MYO9B: variants seen among roughly 807,000 people sequenced by gnomAD.
The protein encoded by MYO9B is myosin IXB.
A neutral mutation model predicts 229.5 loss-of-function variants in MYO9B; 71 were observed. The ratio of observed to expected loss-of-function variants is 0.31; its 90% CI spans 0.26 to 0.38. The LOEUF is 0.38. Ranked by LOEUF, MYO9B falls within the 10% of genes least tolerant of loss-of-function variation. The pLI, the probability that MYO9B is intolerant of heterozygous loss-of-function variation, is 1.00. For synonymous variants in MYO9B, 1,185 were observed against 1,235.8 expected, an observed-to-expected ratio of 0.96 and a Z score of 0.86; for missense variants, 2,255 against 2,920.5, an observed-to-expected ratio of 0.77 and a Z score of 5.25.
intron 2 of MYO9B, among the ~76,000 whole-genome samples, chr19:17,102,912 A>G (rs1383378970): frequency 1.3e-5 from 2 of 150,956 alleles, no homozygotes; most frequent in Non-Finnish European, 1.5e-5. Context: ...ATCTCAAAAA[A>G]AAAAAAAGAA....
At chr19:17,150,094 C>T (rs2072460416) in intron 3 of MYO9B, among the ~76,000 whole-genome samples, 1 of 152,168 alleles carries the variant, frequency 6.6e-6, no homozygotes, top group African/African-American at 2.4e-5. Context: ...GTGTGTGTCC[C>T]TGTGTGAGCC....
chr19:17,160,245 G>C (rs1053504651), intron 8 of MYO9B, among the ~76,000 whole-genome samples: 4 of 152,098 alleles, frequency 2.6e-5, no homozygotes, highest in African/African-American at 9.7e-5. Flanking sequence ...CATGGGTCCA[G>C]GGCACCACGT....
In MYO9B at chr19:17,195,354, C is replaced by G. The variant is rs562012131; in HGVS notation, c.3927C>G (p.Ala1309=). ...TGGACGCCGAGCGGCTGGCCAGCGC[C>G]GTGGAACTGTGGCGGGGCAAGAAGC... is the stretch of plus-strand genomic sequence containing the variant. The part of the protein sequence containing the change: ...RYLDAERLAS[A]VELWRGKKLV... The change falls in exon 22 of 40, where the codon GCC becomes GCG. Residue 1309 remains alanine, a synonymous_variant. Coordinates refer to ENST00000682292, the MANE Select transcript of MYO9B (RefSeq NM_004145.4). The surrounding 1 kb of genome is among the most constrained non-coding windows in gnomAD (Gnocchi z 4.5). 7 of 1,612,162 alleles carry G rather than the reference C, an allele frequency of 4.3e-6. No homozygotes were observed. In the African/African-American group the frequency reaches 8.0e-5, roughly 18 times the overall value.
At chr19:17,087,267 G>C (rs2057592086) in intron 1 of MYO9B, among the ~76,000 whole-genome samples, 1 of 151,830 alleles carries the variant, frequency 6.6e-6, no homozygotes, top group South Asian at 2.1e-4. Flanking sequence ...AGAATGCGCT[G>C]AAAGAACACA....
At chr19:17,104,699 T>G (rs900328953) in intron 2 of MYO9B, among the ~76,000 whole-genome samples, 1 of 151,814 alleles carries the variant, frequency 6.6e-6, no homozygotes, top group African/African-American at 2.4e-5. Context: ...ATGCTGGGAT[T>G]ATAGGCGTGA....
intron 3 of MYO9B, among the ~76,000 whole-genome samples, chr19:17,146,162 GATGGATGGATGGA>G (rs2072407783): frequency 8.5e-5 from 2 of 23,462 alleles, no homozygotes; most frequent in Non-Finnish European, 1.9e-4. Context: ...TGGGTGGATA[GATGGATGGATGGA>G]TGGATGGATG....
At chr19:17,148,360 T>A (rs2072439113) in intron 3 of MYO9B, among the ~76,000 whole-genome samples, 1 of 152,210 alleles carries the variant, frequency 6.6e-6, no homozygotes, top group Non-Finnish European at 1.5e-5. Flanking sequence ...GGGACTGCCA[T>A]AACAGTGTAC....
chr19:17,160,730 G>A (rs2072591007), intron 8 of MYO9B, among the ~76,000 whole-genome samples: 1 of 150,320 alleles, frequency 6.7e-6, no homozygotes, highest in African/African-American at 2.4e-5. Context: ...AGACAGTTTC[G>A]CTCCTGTTGC....
rs1017059639 is a variant in MYO9B, at chr19:17,172,395, A to G, written c.1853A>G (p.Asn618Ser). 1.2e-6 allele frequency: 2 copies of G among 1,614,004 alleles called. No homozygotes were observed. The highest frequency in any genetic ancestry group is 1.1e-5 in the South Asian group (1 of 91,082). The change falls in exon 12 of 40, where the codon AAT becomes AGT. Residue 618 changes from asparagine (N) to serine (S), a missense_variant. Coordinates refer to ENST00000682292, the MANE Select transcript of MYO9B (RefSeq NM_004145.4). The surrounding 1 kb of genome is among the most constrained non-coding windows in gnomAD (Gnocchi z 8.2). ...LAKFKQQHED[N>S]KYFLGTPVME... Reference sequence around the variant, plus strand: ...AAGTTCAAACAGCAACATGAGGACAATAAGTACTTCCTGGGCACCCCGGTC... The same window carrying G: ...AAGTTCAAACAGCAACATGAGGACAGTAAGTACTTCCTGGGCACCCCGGTC...
intron 1 of MYO9B, among the ~76,000 whole-genome samples, chr19:17,098,602 T>C (rs768999100): frequency 5.9e-5 from 9 of 152,188 alleles, no homozygotes; most frequent in East Asian, 1.9e-4. Context: ...GCATTTCTTT[T>C]TCTTGCAACC....
At position 17,212,000 on chromosome 19, in the gene MYO9B, G is replaced by C. The variant is rs763843321; in HGVS notation, c.6164G>C (p.Arg2055Thr). 6.5e-7 allele frequency: 1 copy of C among 1,547,878 alleles called. No homozygotes were observed. Among genetic ancestry groups the C allele is most frequent in the Non-Finnish European group, 8.8e-7 (1 of 1,141,844 alleles). Reference protein sequence around the residue: ...RRRPSSFVTVRVKTPRRTPIM... With the variant: ...RRRPSSFVTVTVKTPRRTPIM... ...AGGCCGTCGTCCTTCGTAACGGTCA[G>C]AGTGAAGACCCCCCGGCGGACCCCC... The change falls in exon 40 of 40, where the codon AGA becomes ACA. Residue 2055 changes from arginine (R) to threonine (T), a missense_variant. Coordinates refer to ENST00000682292, the MANE Select transcript of MYO9B (RefSeq NM_004145.4).
intron 1 of MYO9B, among the ~76,000 whole-genome samples, chr19:17,079,715 G>C (rs1402425742): frequency 6.6e-6 from 1 of 152,138 alleles, no homozygotes; most frequent in Non-Finnish European, 1.5e-5. Flanking sequence ...TGGGGCCACG[G>C]GACTGACGGT....
At chr19:17,192,239 G>C (rs1331597639) in intron 20 of MYO9B, among the ~76,000 whole-genome samples, 2 of 150,774 alleles carry the variant, frequency 1.3e-5, no homozygotes, top group Non-Finnish European at 3.0e-5. Flanking sequence ...GTTGCAGTGA[G>C]CTGAGATCGG....
chr19:17,162,976 TG>T lies in MYO9B; in HGVS notation c.1537-11del. On this transcript the variant is annotated splice_polypyrimidine_tract_variant and intron_variant, in intron 9 of 39. Transcript: ENST00000682292. The stretch of plus-strand genomic sequence containing the variant: ...ACCTGCGGGCAGTGACCATTTTCTC[TG>T]TCTCTCCCAGTGCCTGTCCATTGGG... 6.2e-7 allele frequency: 1 copy of T among 1,607,638 alleles called. No individual in the cohort carries two copies. The highest frequency in any genetic ancestry group is 8.5e-7 in the Non-Finnish European group (1 of 1,177,242).
intron 1 of MYO9B, among the ~76,000 whole-genome samples, chr19:17,099,469 G>A (rs966701183): frequency 2.0e-5 from 3 of 152,068 alleles, no homozygotes; most frequent in East Asian, 1.9e-4. Context: ...TTGGCCTGGC[G>A]CAGTGGCTCA....
At chr19:17,204,997 C>T (rs1250624544) in intron 30 of MYO9B, among the ~76,000 whole-genome samples, 1 of 151,738 alleles carries the variant, frequency 6.6e-6, no homozygotes, top group Non-Finnish European at 1.5e-5. Flanking sequence ...ACTAAAAATA[C>T]AAAATTAGCC....
At chr19:17,202,073 G>A (rs201511937) in intron 27 of MYO9B, 49 bp downstream of exon 27, 62 of 1,611,456 alleles carry the variant, frequency 3.8e-5, no homozygotes, top group South Asian at 2.5e-4. Context: ...GCTCAGACCC[G>A]TCATTCCCAT....
In MYO9B at chr19:17,200,806, C is replaced by T. The variant is rs755491970; in HGVS notation, c.4540C>T (p.Leu1514=). Reference sequence around the variant, plus strand: ...CACCAACGCCAATGAGCTCAAGTACCTGGACGAGTTCCTGCTCAACAAGGT... The same window carrying T: ...CACCAACGCCAATGAGCTCAAGTACTTGGACGAGTTCCTGCTCAACAAGGT... ...QITNANELKY[L]DEFLLNKIND... The change falls in exon 26 of 40, where the codon CTG becomes TTG. Residue 1514 remains leucine, a synonymous_variant. Transcript: ENST00000682292. The T allele has an allele frequency of 8.7e-6, 14 of 1,614,018 alleles. No homozygotes were observed. The South Asian group carries it at 1.4e-4, about 16-fold the overall frequency.
chr19:17,118,318 G>C (rs1205502487), intron 2 of MYO9B, among the ~76,000 whole-genome samples: 2 of 151,756 alleles, frequency 1.3e-5, no homozygotes. Flanking sequence ...CACCTAGATG[G>C]AGGCCGGGAG....
Sources: gnomAD v4.1 joint callset for allele counts (sites outside exome capture counted in the v4.1 genomes callset) on GRCh38, gnomAD v4.1.1 for gene constraint, Gnocchi (gnomAD v3.1) non-coding constraint, MANE v1.5 for transcripts, NCBI Gene and HGNC (gene_info 2026-07-23, HGNC 2026-07-21) for gene names.